Variants in GLI2 observed in about 807,000 individuals in gnomAD.
GLI2 encodes transcription activator GLI2.
Under a neutral mutation model 78.9 loss-of-function variants are expected in GLI2, and 22 were observed. The observed-to-expected ratio is 0.28, with a 90% CI of 0.20 to 0.40. The LOEUF is 0.40. Ranked by LOEUF, GLI2 falls within the 10% of genes least tolerant of loss-of-function variation. GLI2 has a pLI of 1.00. For synonymous variants in GLI2, 974 were observed against 963.7 expected, an observed-to-expected ratio of 1.01 and a Z score of -0.20; for missense variants, 2,097 against 2,213.2, an observed-to-expected ratio of 0.95 and a Z score of 1.05.
chr2:120,760,240 T>C (rs1186890831), intron 1 of GLI2, among the ~76,000 whole-genome samples: 2 of 152,146 alleles, frequency 1.3e-5, no homozygotes, highest in Non-Finnish European at 2.9e-5. Context: ...ATCCCAACTG[T>C]ACAACTTCTC....
intron 2 of GLI2, among the ~76,000 whole-genome samples, chr2:120,815,994 GTTGTAT>G (rs1685475865): frequency 6.6e-6 from 1 of 152,138 alleles, no homozygotes; most frequent in African/African-American, 2.4e-5. Context: ...TTGGAGGTGG[GTTGTAT>G]GACCCTCCCC....
At chr2:120,824,826 TTTG>T (rs371965408) in intron 2 of GLI2, among the ~76,000 whole-genome samples, 30 of 152,220 alleles carry the variant, frequency 2.0e-4, no homozygotes, top group African/African-American at 4.8e-4. Context: ...ATGGCATTTC[TTTG>T]TTGTTGTTGT....
intron 2 of GLI2, among the ~76,000 whole-genome samples, chr2:120,892,787 C>T (rs1181330647): frequency 1.3e-5 from 2 of 152,064 alleles, no homozygotes; most frequent in Non-Finnish European, 2.9e-5. Context: ...CTGCCCTTGC[C>T]CAGAGTGGTA....
intron 2 of GLI2, among the ~76,000 whole-genome samples, chr2:120,871,116 G>T (rs1024079556): frequency 6.6e-6 from 1 of 152,264 alleles, no homozygotes; most frequent in African/African-American, 2.4e-5. Context: ...CCTTTTCTTA[G>T]CCCTGTTCTT....
chr2:120,887,988 G>A (rs908671676), intron 2 of GLI2, among the ~76,000 whole-genome samples: 1 of 152,236 alleles, frequency 6.6e-6, no homozygotes, highest in South Asian at 2.1e-4. Context: ...GGACCTGGCC[G>A]ACAGGCTCTT....
At chr2:120,984,037 T>C (rs1682848609) in intron 11 of GLI2, among the ~76,000 whole-genome samples, 2 of 152,000 alleles carry the variant, frequency 1.3e-5, no homozygotes, top group African/African-American at 4.8e-5. Context: ...ACCCCATTAC[T>C]GGATGACTTG....
intron 2 of GLI2, among the ~76,000 whole-genome samples, chr2:120,868,755 G>A (rs1328842418): frequency 2.0e-5 from 3 of 152,214 alleles, no homozygotes; most frequent in South Asian, 4.1e-4. Context: ...GAACCCTCAG[G>A]TAACAGGTAG....
chr2:120,753,252 C>T lies in GLI2; in HGVS notation c.-31+16967C>T, dbSNP rs376696378. ...CTGGGATTATAGGCGTCCGCCACCA[C>T]GCCCAGCTAATTTTTGTATTTTCAG... On this transcript the variant is annotated intron_variant, in intron 1 of 13. Coordinates refer to ENST00000361492, the MANE Select transcript of GLI2 (RefSeq NM_001374353.1). Among the ~76,000 whole-genome samples the T allele has an allele frequency of 6.6e-5, 10 of 152,172 alleles. No individual in the cohort carries two copies. In the East Asian group the frequency reaches 1.6e-3, roughly 24 times the overall value.
At chr2:120,959,981 C>T (rs1025558630) in intron 5 of GLI2, among the ~76,000 whole-genome samples, 2 of 152,316 alleles carry the variant, frequency 1.3e-5, no homozygotes, top group East Asian at 1.9e-4. Context: ...TCTGTGCAGG[C>T]GCAGGGGGCC....
intron 1 of GLI2, among the ~76,000 whole-genome samples, chr2:120,759,671 C>G (rs745678784): frequency 6.2e-4 from 94 of 152,218 alleles, no homozygotes; most frequent in Non-Finnish European, 9.4e-4. Flanking sequence ...TTTATGGAGG[C>G]TTCATTACTT....
intron 5 of GLI2, among the ~76,000 whole-genome samples, chr2:120,960,031 T>C (rs1433898428): frequency 6.6e-6 from 1 of 152,168 alleles, no homozygotes; most frequent in Non-Finnish European, 1.5e-5. Flanking sequence ...AGGCCTTCTC[T>C]CTCTGCCTTT....
At chr2:120,886,891 C>T (rs553034986) in intron 2 of GLI2, among the ~76,000 whole-genome samples, 2 of 152,304 alleles carry the variant, frequency 1.3e-5, no homozygotes, top group South Asian at 2.1e-4. Flanking sequence ...ATGCCACGGT[C>T]TGTCTGTGTC....
At chr2:120,838,443 GGTGATA>G (rs1324269676) in intron 2 of GLI2, among the ~76,000 whole-genome samples, 1 of 152,106 alleles carries the variant, frequency 6.6e-6, no homozygotes, top group Non-Finnish European at 1.5e-5. Flanking sequence ...ATTTACAAAT[GGTGATA>G]GCTTTTTCCT....
chr2:120,882,388 G>A lies in GLI2; in HGVS notation c.149-44973G>A, dbSNP rs537622214. On this transcript the variant is annotated intron_variant, in intron 2 of 13. Transcript: ENST00000361492. ...CCCGCTGCAGGCGTCAGCTGCTGCCGGCTGCGGGATGTGATCAGCACTCCT... is the reference window on the plus strand; with the variant it reads ...CCCGCTGCAGGCGTCAGCTGCTGCCAGCTGCGGGATGTGATCAGCACTCCT... 1.1e-4 allele frequency among the ~76,000 whole-genome samples: 16 copies of A among 152,334 alleles called. 1 individual carries two copies. The highest frequency in any genetic ancestry group is 3.4e-3 in the Middle Eastern group (1 of 294).
At chr2:120,931,994 C>G (rs1679965040) in intron 3 of GLI2, among the ~76,000 whole-genome samples, 1 of 152,068 alleles carries the variant, frequency 6.6e-6, no homozygotes, top group African/African-American at 2.4e-5. Context: ...ACAGCAAGAG[C>G]CTCGGGGCTG....
At chr2:120,876,298 C>T (rs1291747331) in intron 2 of GLI2, among the ~76,000 whole-genome samples, 3 of 152,138 alleles carry the variant, frequency 2.0e-5, no homozygotes, top group Non-Finnish European at 4.4e-5. Flanking sequence ...GCCGAGATAG[C>T]GCCACTGCAC....
At chr2:120,958,559 G>A (rs187591267) in intron 5 of GLI2, among the ~76,000 whole-genome samples, 15 of 152,024 alleles carry the variant, frequency 9.9e-5, no homozygotes, top group Non-Finnish European at 2.1e-4. Flanking sequence ...TATCCTCTCC[G>A]CCATCCTGCG....
In GLI2 at chr2:120,990,731, TG is replaced by T; in HGVS notation, c.*60del. The T allele has an allele frequency of 1.4e-6, 2 of 1,440,874 alleles. No homozygotes were observed. Among genetic ancestry groups the T allele is most frequent in the Non-Finnish European group, 1.9e-6 (2 of 1,047,922 alleles). 89.3% of individuals were successfully genotyped at this position (1,440,874 alleles called of 1,614,324 possible). A position where few individuals can be genotyped will look rare whatever the true frequency, so the allele number is the denominator to read the frequency against. On this transcript the variant is annotated 3_prime_UTR_variant, in exon 14 of 14. Transcript: ENST00000361492. ...GGAGGGGTCATCGCTGCCCAGAGCC[TG>T]GGGATTCCAGCTGTCTTGTCTTTTT... is the stretch of plus-strand genomic sequence containing the variant.
At chr2:120,794,436 G>A (rs933597665) in intron 1 of GLI2, among the ~76,000 whole-genome samples, 7 of 152,200 alleles carry the variant, frequency 4.6e-5, no homozygotes, top group African/African-American at 1.7e-4. Context: ...GAGGGATGGA[G>A]TGATATGTGG....
Sources: allele counts gnomAD v4.1 joint callset (sites outside exome capture counted in the v4.1 genomes callset), GRCh38; gene constraint gnomAD v4.1.1; transcripts MANE v1.5; gene names NCBI Gene and HGNC (gene_info 2026-07-23, HGNC 2026-07-21).